MYO18B: variants seen among roughly 807,000 people sequenced by gnomAD.
MYO18B encodes the protein unconventional myosin-XVIIIb.
Under a neutral mutation model 273.0 loss-of-function variants are expected in MYO18B, and 204 were observed. The observed-to-expected ratio is 0.75, with a 90% CI of 0.67 to 0.84. The LOEUF is 0.84. Among genes scored for constraint, MYO18B ranks in the 40% least tolerant of loss-of-function variants. The pLI, the probability that MYO18B is intolerant of heterozygous loss-of-function variation, is 0.00. For missense variants in MYO18B, 3,212 were observed against 3,287.6 expected (o/e 0.98, Z 0.56); for synonymous variants, 1,330 against 1,305.7 (o/e 1.02, Z -0.40).
chr22:25,851,491 T>C lies in MYO18B; in HGVS notation c.3797T>C (p.Leu1266Pro). 1.3e-6 allele frequency: 2 copies of C among 1,557,584 alleles called. No individual in the cohort carries two copies. The highest frequency in any genetic ancestry group is 1.7e-6 in the Non-Finnish European group (2 of 1,150,306). The change falls in exon 21 of 44, where the codon CTC (leucine) becomes CCC (proline). Residue 1266 changes from leucine (L) to proline (P), a missense_variant. Transcript: ENST00000335473. ...CTAGGCTATGCTGACCACATGGGGC[T>C]CACTCGCTTCCGCCGGCAATTCCAG... ...HRTGYADHMG[L>P]TRFRRQFQVL... is the part of the protein sequence containing the mutation.
chr22:26,048,353 C>T, the MYO18B span, among the ~76,000 whole-genome samples: 1 of 152,140 alleles, frequency 6.6e-6, no homozygotes. Context: ...GGAGGAGTCC[C>T]AGATTCCAAG....
At chr22:25,889,443 G>T (rs1020098574) in intron 25 of MYO18B, among the ~76,000 whole-genome samples, 12 of 152,030 alleles carry the variant, frequency 7.9e-5, no homozygotes, top group African/African-American at 2.7e-4. Context: ...ACATGTGACC[G>T]CACCCAATTC....
intron 34 of MYO18B, among the ~76,000 whole-genome samples, chr22:25,927,200 T>C (rs973929996): frequency 6.6e-6 from 1 of 152,230 alleles, no homozygotes; most frequent in African/African-American, 2.4e-5. Context: ...ATAAGAGAGA[T>C]AACCTTAAAC....
chr22:25,843,641 C>T lies in MYO18B; in HGVS notation c.3209-94C>T, dbSNP rs5761267. 95 of 1,331,702 alleles carry T rather than the reference C, an allele frequency of 7.1e-5. No individual in the cohort carries two copies. In the East Asian group the frequency reaches 1.6e-3, roughly 22 times the overall value. 82.5% of individuals were successfully genotyped at this position (1,331,702 alleles called of 1,614,324 possible). A position where few individuals can be genotyped will look rare whatever the true frequency, so the allele number is the denominator to read the frequency against. ...CATGAGCGTTAGCTATCTGGAAACA[C>T]GTTAAGATGGATACTGTGCGTTTAA... On this transcript the variant is annotated intron_variant, in intron 17 of 43. Coordinates refer to ENST00000335473, the MANE Select transcript of MYO18B (RefSeq NM_032608.7).
At chr22:26,041,669 G>A in the MYO18B span, among the ~76,000 whole-genome samples, 1 of 152,168 alleles carries the variant, frequency 6.6e-6, no homozygotes, top group Admixed American at 6.5e-5. Context: ...TAGGCTCTAA[G>A]GAGACAAGAG....
At chr22:25,893,949 A>G (rs2091732675) in intron 27 of MYO18B, among the ~76,000 whole-genome samples, 1 of 152,066 alleles carries the variant, frequency 6.6e-6, no homozygotes, top group Non-Finnish European at 1.5e-5. Flanking sequence ...CCATCCATCC[A>G]TCCATTATTC....
rs1936378300 is a variant in MYO18B at position 26,027,832 on chromosome 22, A to G, written c.*12+142A>G. The G allele has an allele frequency of 1.1e-6, 1 of 879,370 alleles. No homozygotes were observed. The highest frequency in any genetic ancestry group is 1.8e-5 in the South Asian group (1 of 54,066). The allele number at this position is 879,370 out of a possible 1,614,324, so 54.5% of individuals were successfully genotyped here. A position where few individuals can be genotyped will look rare whatever the true frequency, so the allele number is the denominator to read the frequency against. ...ATTTTTAGAGGTTTTAGCTGAAGTC[A>G]TGTGTTGATGGATGCAAAGCTTTTC... On this transcript the variant is annotated intron_variant, in intron 43 of 43. Coordinates refer to ENST00000335473, the MANE Select transcript of MYO18B (RefSeq NM_032608.7). The surrounding 1 kb of genome is among the most constrained non-coding windows in gnomAD (Gnocchi z 4.1).
In MYO18B at chr22:25,869,393, T is replaced by C. The variant is rs183644912; in HGVS notation, c.3951+1008T>C. ...TGAACCCGGGAGGCGAAGGTTGCGG[T>C]GAGCTGAGATCGTGCCACTGTACTC... On this transcript the variant is annotated intron_variant, in intron 22 of 43. Transcript: ENST00000335473. Among the ~76,000 whole-genome samples, 472 of 131,600 alleles carry C rather than the reference T, an allele frequency of 3.6e-3. 6 individuals carry two copies. Among genetic ancestry groups the C allele is most frequent in the African/African-American group, 0.013 (455 of 34,116 alleles). The allele number at this position is 131,600 out of a possible 152,430, so 86.3% of individuals were successfully genotyped here.
In MYO18B at chr22:25,760,967, G is replaced by A; in HGVS notation, c.-109-17G>A. 1 of 1,039,582 alleles carries A rather than the reference G, an allele frequency of 9.6e-7. No individual in the cohort carries two copies. The highest frequency in any genetic ancestry group is 1.3e-5 in the South Asian group (1 of 75,420). The allele number at this position is 1,039,582 out of a possible 1,614,324, so 64.4% of individuals were successfully genotyped here. ...CCTGTCTCTCTCTTCTCTCCCCACTGTGTCCCTGTGTGTCAGTTCTGTGTC... is the reference window on the plus strand; with the variant it reads ...CCTGTCTCTCTCTTCTCTCCCCACTATGTCCCTGTGTGTCAGTTCTGTGTC... On this transcript the variant is annotated splice_polypyrimidine_tract_variant and intron_variant, in intron 1 of 43. Transcript: ENST00000335473.
chr22:25,767,461 A>T (rs911207663), intron 3 of MYO18B, among the ~76,000 whole-genome samples: 7 of 152,222 alleles, frequency 4.6e-5, no homozygotes, highest in African/African-American at 1.7e-4. Context: ...GCATTTCTAC[A>T]TCTCATCCTA....
rs2089371949 is a variant in MYO18B, at chr22:25,823,639, C to T, written c.2656C>T (p.Pro886Ser). 6.2e-7 allele frequency: 1 copy of T among 1,613,972 alleles called. No homozygotes were observed. The highest frequency in any genetic ancestry group is 8.5e-7 in the Non-Finnish European group (1 of 1,179,866). ...RQIIQQMTFGPSRWGLEDEET... is the reference protein window; with the variant it reads ...RQIIQQMTFGSSRWGLEDEET... ...GATCATCCAGCAAATGACGTTTGGG[C>T]CAAGCCGATGGGGCCTCGAGGATGA... The change falls in exon 13 of 44, where the codon CCA (proline) becomes TCA (serine). Residue 886 changes from proline (P) to serine (S), a missense_variant. Physicochemically the swap from Pro to Ser is moderately conservative, Grantham distance 74. Coordinates refer to ENST00000335473, the MANE Select transcript of MYO18B (RefSeq NM_032608.7).
At chr22:26,017,362 CCCTTCCTT>C (rs1269872881) in intron 42 of MYO18B, among the ~76,000 whole-genome samples, 9 of 151,228 alleles carry the variant, frequency 6.0e-5, no homozygotes, top group Admixed American at 2.0e-4. Flanking sequence ...CTTCCTTCCT[CCCTTCCTT>C]CCTCCCTCCC....
At chr22:25,957,963 G>A (rs1443050373) in intron 39 of MYO18B, among the ~76,000 whole-genome samples, 1 of 140,856 alleles carries the variant, frequency 7.1e-6, no homozygotes, top group African/African-American at 2.7e-5. Context: ...CTCCCAGGCT[G>A]GAGTGCAGTG....
intron 7 of MYO18B, among the ~76,000 whole-genome samples, chr22:25,773,756 C>T (rs1015658880): frequency 2.9e-4 from 44 of 152,234 alleles, no homozygotes; most frequent in Non-Finnish European, 5.9e-5. Flanking sequence ...AGCCACTGCG[C>T]CTGGCCGATT....
chr22:25,758,317 G>GTTT (rs133870), intron 1 of MYO18B, among the ~76,000 whole-genome samples: 14 of 140,992 alleles, frequency 9.9e-5, no homozygotes, highest in African/African-American at 2.4e-4. Context: ...TGGCAGGAAA[G>GTTT]TTTTTTTTTT....
At chr22:26,045,454 G>A in the MYO18B span, among the ~76,000 whole-genome samples, 1 of 152,200 alleles carries the variant, frequency 6.6e-6, no homozygotes, top group Non-Finnish European at 1.5e-5. Context: ...TATGAAATGA[G>A]GGAAGAGAAA....
rs899907105 is a variant in MYO18B at position 26,028,718 on chromosome 22, C to A, written c.*12+1028C>A. 3 of 151,902 alleles carry A rather than the reference C, an allele frequency of 2.0e-5. No individual in the cohort carries two copies. The East Asian group carries it at 5.8e-4, about 29-fold the overall frequency. The allele number at this position is 151,902 out of a possible 1,614,324, so 9.4% of individuals were successfully genotyped here. On this transcript the variant is annotated intron_variant, in intron 43 of 43. Coordinates refer to ENST00000335473, the MANE Select transcript of MYO18B (RefSeq NM_032608.7). Reference sequence around the variant, plus strand: ...GACCATCCTGGCTAACACAGTGAAACCCCATCTCCACTAAAAAAAAATAGC... The same window carrying A: ...GACCATCCTGGCTAACACAGTGAAAACCCATCTCCACTAAAAAAAAATAGC...
intron 12 of MYO18B, among the ~76,000 whole-genome samples, chr22:25,799,837 G>A (rs1312381853): frequency 6.6e-6 from 1 of 152,188 alleles, no homozygotes; most frequent in Admixed American, 6.5e-5. Context: ...GACATGCTGG[G>A]CTGGGGCAAA....
At chr22:25,798,256 A>C (rs983099038) in intron 12 of MYO18B, among the ~76,000 whole-genome samples, 159 bp downstream of exon 12, 2 of 152,074 alleles carry the variant, frequency 1.3e-5, no homozygotes, top group African/African-American at 4.8e-5. Context: ...AGGCGTCGTG[A>C]GGAGGACACA....
Sources: gnomAD v4.1 joint callset for allele counts (sites outside exome capture counted in the v4.1 genomes callset) on GRCh38, gnomAD v4.1.1 for gene constraint, Gnocchi (gnomAD v3.1) non-coding constraint, MANE v1.5 for transcripts, NCBI Gene and HGNC (gene_info 2026-07-23, HGNC 2026-07-21) for gene names.